Variants in CCDC92 observed in about 807,000 individuals in gnomAD.
CCDC92 encodes coiled-coil domain-containing protein 92.
CCDC92 carries 12 observed loss-of-function variants against 24.9 expected under a neutral mutation model. That is an observed-to-expected ratio of 0.48 (90% CI 0.31 to 0.78). The LOEUF (loss-of-function observed/expected upper bound fraction) is 0.78. Among genes scored for constraint, CCDC92 ranks in the 30% least tolerant of loss-of-function variants. The pLI is 0.05. For synonymous variants in CCDC92, 193 were observed against 196.3 expected, an observed-to-expected ratio of 0.98 and a Z score of 0.14; for missense variants, 399 against 439.4, an observed-to-expected ratio of 0.91 and a Z score of 0.82.
At chr12:123,967,226 A>G (rs986673247) in intron 1 of CCDC92, among the ~76,000 whole-genome samples, 1 of 147,972 alleles carries the variant, frequency 6.8e-6, no homozygotes, top group African/African-American at 2.7e-5. Context: ...CTGCTGCTCT[A>G]TTCTACTAGA....
chr12:123,937,209 T>C lies in CCDC92; in HGVS notation c.845A>G (p.Glu282Gly). 3 of 1,609,504 alleles carry C rather than the reference T, an allele frequency of 1.9e-6. No individual in the cohort carries two copies. Among genetic ancestry groups the C allele is most frequent in the Non-Finnish European group, 2.5e-6 (3 of 1,179,412 alleles). Residue 282 changes from glutamate (E) to glycine (G), a missense_variant, in exon 5 of 5, where the codon GAA (glutamate) becomes GGA (glycine). Physicochemically the swap from Glu to Gly is moderately conservative, Grantham distance 98. Coordinates refer to ENST00000238156, the MANE Select transcript of CCDC92 (RefSeq NM_025140.3). This position sits in a 1 kb window ranked among gnomAD's most constrained non-coding sequence, Gnocchi z 8.4. ...CCCGACGTGGGCCTTGTGCGGCTTT[T>C]CGCGGGCCGGGCTGTGCTGCTCGCC... ...RSGEQHSPAR[E>G]KPHKAHVGVA...
In CCDC92 at chr12:123,936,934, G is replaced by A. The variant is rs1955514984; in HGVS notation, c.*124C>T. The A allele has an allele frequency of 1.1e-5, 11 of 1,043,106 alleles. No homozygotes were observed. Among genetic ancestry groups the A allele is most frequent in the Non-Finnish European group, 9.8e-6 (7 of 713,232 alleles). The allele number at this position is 1,043,106 out of a possible 1,614,324, so 64.6% of individuals were successfully genotyped here. ...GAAGAAGAGGGCAAGAGAAGCAGAA[G>A]GAGAATGGGTCGGTAGGTGTGAAAA... On this transcript the variant is annotated 3_prime_UTR_variant, in exon 5 of 5. Transcript: ENST00000238156.
At position 123,972,543 on chromosome 12, in the gene CCDC92, G is replaced by T. The variant is rs1300987104; in HGVS notation, c.-74C>A. 2.0e-5 allele frequency: 3 copies of T among 151,546 alleles called. No homozygotes were observed. The highest frequency in any genetic ancestry group is 4.4e-5 in the Non-Finnish European group (3 of 67,840). The allele number at this position is 151,546 out of a possible 1,614,324, so 9.4% of individuals were successfully genotyped here. A position where few individuals can be genotyped will look rare whatever the true frequency, so the allele number is the denominator to read the frequency against. On this transcript the variant is annotated 5_prime_UTR_variant, in exon 1 of 5. Transcript: ENST00000238156. ...CCCCGCCTCACCTGCGGGCGCCGCC[G>T]TCGCGTTCCTTCAGGCGGCTGCCCT...
At chr12:123,955,745 T>C (rs1369232040) in intron 1 of CCDC92, among the ~76,000 whole-genome samples, 2 of 152,196 alleles carry the variant, frequency 1.3e-5, no homozygotes, top group African/African-American at 2.4e-5. Flanking sequence ...CAGCCTCCTA[T>C]GTAGCTGGGA....
At position 123,972,649 on chromosome 12, in the gene CCDC92, T is replaced by TGGGCTCGGGCGCTGCCC. The variant is rs1956589182; in HGVS notation, c.-197_-181dup. The TGGGCTCGGGCGCTGCCC allele has an allele frequency of 6.9e-6, 1 of 145,916 alleles. No homozygotes were observed. The highest frequency in any genetic ancestry group is 6.8e-5 in the Admixed American group (1 of 14,804). The allele number at this position is 145,916 out of a possible 1,614,324, so 9.0% of individuals were successfully genotyped here. A position where few individuals can be genotyped will look rare whatever the true frequency, so the allele number is the denominator to read the frequency against. ...GCGGGGCGCGGCGGGCGGGGCTGCC[T>TGGGCTCGGGCGCTGCCC]GGGCTCGGGCGCTGCCCGGGCCGGG... On this transcript the variant is annotated 5_prime_UTR_variant, in exon 1 of 5. Coordinates refer to ENST00000238156, the MANE Select transcript of CCDC92 (RefSeq NM_025140.3).
At chr12:123,969,927 G>C (rs1166386140) in intron 1 of CCDC92, 1 of 151,924 alleles carries the variant, frequency 6.6e-6, no homozygotes, top group Non-Finnish European at 1.5e-5. Context: ...GTTTATTGTA[G>C]AAAATAAAGT....
At chr12:123,943,585 TC>T in intron 2 of CCDC92, 92 bp from the exon 3 acceptor site, 1 of 1,405,024 alleles carries the variant, frequency 7.1e-7, no homozygotes, top group Admixed American at 1.8e-5. Context: ...GGTGTGCGCC[TC>T]CCAGGAGAGA....
intron 1 of CCDC92, among the ~76,000 whole-genome samples, chr12:123,967,650 C>G (rs953457441): frequency 5.9e-5 from 9 of 152,210 alleles, no homozygotes; most frequent in Admixed American, 5.9e-4. Context: ...AGAGATGGAA[C>G]TTTCTCTTGG....
intron 1 of CCDC92, among the ~76,000 whole-genome samples, chr12:123,970,586 G>A (rs1170790993): frequency 6.6e-6 from 1 of 152,212 alleles, no homozygotes; most frequent in African/African-American, 2.4e-5. Context: ...ACCTAGCCGG[G>A]ATGAAACTTC....
intron 1 of CCDC92, among the ~76,000 whole-genome samples, chr12:123,962,245 C>A (rs997959234): frequency 2.0e-5 from 3 of 152,152 alleles, no homozygotes; most frequent in East Asian, 1.9e-4. Context: ...AAAGCTAGTT[C>A]TCTTAAAGAG....
intron 1 of CCDC92, chr12:123,962,942 A>AT (rs1956307533): frequency 1.3e-5 from 2 of 152,246 alleles, no homozygotes; most frequent in South Asian, 4.1e-4. Context: ...TAATGAAAGA[A>AT]CACGGGGTTC....
chr12:123,942,719 T>C (rs1166893684), intron 4 of CCDC92, 25 bp downstream of exon 4: 2 of 1,586,166 alleles, frequency 1.3e-6, no homozygotes, highest in Non-Finnish European at 1.7e-6. Flanking sequence ...CCTACTGTCA[T>C]TTACTTCTGG....
chr12:123,940,974 C>T (rs1955665798), intron 4 of CCDC92, among the ~76,000 whole-genome samples: 1 of 124,662 alleles, frequency 8.0e-6, no homozygotes, highest in Non-Finnish European at 1.6e-5. Context: ...AGACACAGCC[C>T]TTGCTGTGAG....
chr12:123,969,374 A>G (rs950162557), intron 1 of CCDC92, among the ~76,000 whole-genome samples: 2 of 152,074 alleles, frequency 1.3e-5, no homozygotes, highest in African/African-American at 4.8e-5. Flanking sequence ...TTTTGCTGTG[A>G]AACTTGAGTC....
At chr12:123,962,006 C>T (rs1478890912) in intron 1 of CCDC92, among the ~76,000 whole-genome samples, 1 of 152,196 alleles carries the variant, frequency 6.6e-6, no homozygotes, top group Non-Finnish European at 1.5e-5. Context: ...TCCCGCACAG[C>T]CTGAACACCG....
At chr12:123,942,173 G>A (rs1000569337) in intron 4 of CCDC92, among the ~76,000 whole-genome samples, 9 of 152,218 alleles carry the variant, frequency 5.9e-5, no homozygotes, top group East Asian at 3.8e-4. Flanking sequence ...CTTCTCTGGC[G>A]GCCAGCAGGC....
rs1036042229 is a variant in CCDC92 at position 123,967,182 on chromosome 12, C to CA, written c.-60+5346dup. ...CCTTCCTCCCCCGAGAGCAATAGGGCATGTCAATGAGCAAGTACCTTAATG... is the reference window on the plus strand; with the variant it reads ...CCTTCCTCCCCCGAGAGCAATAGGGCAATGTCAATGAGCAAGTACCTTAATG... On this transcript the variant is annotated intron_variant, in intron 1 of 4. Transcript: ENST00000238156. Among the ~76,000 whole-genome samples the CA allele has an allele frequency of 6.8e-4, 104 of 152,080 alleles. 1 individual carries two copies. The highest frequency in any genetic ancestry group is 2.3e-3 in the African/African-American group (94 of 41,486).
In CCDC92 at chr12:123,936,956, A is replaced by C; in HGVS notation, c.*102T>G. ...GAAGGAGAATGGGTCGGTAGGTGTGAAAAGTGTTTGGCATGCATGGGATTA... is the reference window on the plus strand; with the variant it reads ...GAAGGAGAATGGGTCGGTAGGTGTGCAAAGTGTTTGGCATGCATGGGATTA... On this transcript the variant is annotated 3_prime_UTR_variant, in exon 5 of 5. Transcript: ENST00000238156. 1 of 1,350,024 alleles carries C rather than the reference A, an allele frequency of 7.4e-7. No individual in the cohort carries two copies. Among genetic ancestry groups the C allele is most frequent in the Non-Finnish European group, 1.0e-6 (1 of 971,356 alleles). 83.6% of individuals were successfully genotyped at this position (1,350,024 alleles called of 1,614,324 possible).
chr12:123,944,741 C>G, intron 1 of CCDC92: 1 of 156,646 alleles, frequency 6.4e-6, no homozygotes, highest in Non-Finnish European at 1.4e-5. Flanking sequence ...CGAGGGCAAC[C>G]TGAGAACGCA....
Sources: allele counts gnomAD v4.1 joint callset (sites outside exome capture counted in the v4.1 genomes callset), GRCh38; gene constraint gnomAD v4.1.1; non-coding constraint Gnocchi (gnomAD v3.1); transcripts MANE v1.5; gene names NCBI Gene and HGNC (gene_info 2026-07-23, HGNC 2026-07-21).